The following NAALADL2 variants were observed in gnomAD, a reference collection of about 807,000 sequenced individuals.
NAALADL2 encodes inactive N-acetylated-alpha-linked acidic dipeptidase-like protein 2.
NAALADL2 carries 76 observed loss-of-function variants against 87.2 expected under a neutral mutation model. That is an observed-to-expected ratio of 0.87 (90% CI 0.72 to 1.05). The LOEUF is 1.05. NAALADL2 is among the 50% of genes least tolerant of loss of function. The pLI, the probability that NAALADL2 is intolerant of heterozygous loss-of-function variation, is 0.00. For synonymous variants in NAALADL2, 354 were observed against 331.0 expected, an observed-to-expected ratio of 1.07 and a Z score of -0.75; for missense variants, 1,089 against 945.8, an observed-to-expected ratio of 1.15 and a Z score of -1.99.
At chr3:174,780,422 C>A (rs1715806875) in intron 3 of NAALADL2, among the ~76,000 whole-genome samples, 1 of 152,138 alleles carries the variant, frequency 6.6e-6, no homozygotes, top group African/African-American at 2.4e-5. Context: ...ATCATGTCAT[C>A]TGCAAACAGA....
At chr3:175,025,525 G>A (rs1367719808) in intron 1 of NAALADL2, among the ~76,000 whole-genome samples, 1 of 152,050 alleles carries the variant, frequency 6.6e-6, no homozygotes, top group Non-Finnish European at 1.5e-5. Flanking sequence ...AATAAGTATT[G>A]AAAGTGCAAA....
At chr3:174,827,238 T>C (rs991517487) in intron 3 of NAALADL2, among the ~76,000 whole-genome samples, 2 of 152,206 alleles carry the variant, frequency 1.3e-5, no homozygotes, top group African/African-American at 4.8e-5. Context: ...TTTGTATTTG[T>C]ACTGTAACAA....
chr3:174,996,029 A>G (rs1308839559), intron 1 of NAALADL2, among the ~76,000 whole-genome samples: 1 of 152,184 alleles, frequency 6.6e-6, no homozygotes. Flanking sequence ...ACCAGGTTAC[A>G]TAGCAAGTAA....
At chr3:174,485,850 G>C (rs779203510) in intron 1 of NAALADL2, among the ~76,000 whole-genome samples, 3 of 151,870 alleles carry the variant, frequency 2.0e-5, no homozygotes, top group Non-Finnish European at 2.9e-5. Flanking sequence ...TCGTCTTCCA[G>C]GGTTTTATAG....
intron 9 of NAALADL2, chr3:175,487,389 G>A: frequency 2.5e-6 from 1 of 399,312 alleles, no homozygotes; most frequent in Non-Finnish European, 5.0e-6. Context: ...TTTGTACTCT[G>A]ATGTATTCCT....
At chr3:174,844,079 A>G (rs1724325127) in intron 3 of NAALADL2, among the ~76,000 whole-genome samples, 1 of 152,164 alleles carries the variant, frequency 6.6e-6, no homozygotes, top group Non-Finnish European at 1.5e-5. Context: ...TCGTATTTTA[A>G]AAATCTTTGC....
At position 174,804,798 on chromosome 3, in the gene NAALADL2, C is replaced by T. The variant is rs113214019; in HGVS notation, c.-9+67052C>T. Among the ~76,000 whole-genome samples, 1,007 of 152,152 alleles carry T rather than the reference C, an allele frequency of 6.6e-3. 11 individuals are homozygous for T. The highest frequency in any genetic ancestry group is 0.023 in the African/African-American group (961 of 41,528). On this transcript the variant is annotated intron_variant, in intron 3 of 3. Coordinates refer to the NAALADL2 transcript ENST00000434257. ...AGAATTCTAAAATATTCCTGCTACC[C>T]TGAAGGACTTACGTTTTGAAAATTT...
chr3:175,131,865 G>T (rs867817186), intron 2 of NAALADL2, among the ~76,000 whole-genome samples: 1 of 35,290 alleles, frequency 2.8e-5, no homozygotes, highest in African/African-American at 1.8e-4. Flanking sequence ...CTGGCCGGGC[G>T]GGGTCTGACC....
In NAALADL2 at chr3:175,737,341, A is replaced by T; in HGVS notation, c.1932A>T (p.Glu644Asp). The change falls in exon 12 of 14, where the codon GAA becomes GAT. Residue 644 changes from glutamate to aspartate, a missense_variant. By Grantham distance (45) the Glu-to-Asp change is conservative. Coordinates refer to ENST00000454872, the MANE Select transcript of NAALADL2 (RefSeq NM_207015.3). ...AAGTGATTTTGCAAATTGCCAACGAACCTGTTCTGCCCTTTAATGCACTTG... is the reference window on the plus strand; with the variant it reads ...AAGTGATTTTGCAAATTGCCAACGATCCTGTTCTGCCCTTTAATGCACTTG... The part of the protein sequence containing the change: ...SGEVILQIAN[E>D]PVLPFNALDI... 6.2e-7 allele frequency: 1 copy of T among 1,612,622 alleles called. No homozygotes were observed. Among genetic ancestry groups the T allele is most frequent in the Middle Eastern group, 1.6e-4 (1 of 6,062 alleles).
intron 3 of NAALADL2, among the ~76,000 whole-genome samples, chr3:174,785,535 G>T (rs1357600636): frequency 1.3e-5 from 2 of 151,968 alleles, no homozygotes; most frequent in East Asian, 1.9e-4. Context: ...TGCTGTTTTG[G>T]TTACTGTAGC....
At chr3:174,509,099 A>G (rs748792380) in intron 1 of NAALADL2, among the ~76,000 whole-genome samples, 3 of 142,726 alleles carry the variant, frequency 2.1e-5, no homozygotes, top group Non-Finnish European at 3.0e-5. Context: ...TTCAAACTGT[A>G]TGCCTTTTTT....
At chr3:174,597,232 G>A (rs1335300295) in intron 2 of NAALADL2, among the ~76,000 whole-genome samples, 2 of 152,174 alleles carry the variant, frequency 1.3e-5, no homozygotes, top group Non-Finnish European at 2.9e-5. Flanking sequence ...AATTCTTTCA[G>A]CAATGAGTTG....
chr3:175,585,469 A>G (rs915985626), intron 10 of NAALADL2, among the ~76,000 whole-genome samples: 1 of 152,216 alleles, frequency 6.6e-6, no homozygotes, highest in African/African-American at 2.4e-5. Context: ...GCCATTCTCA[A>G]CGTTAAGCAA....
chr3:175,184,223 A>G (rs958922650), intron 2 of NAALADL2, among the ~76,000 whole-genome samples: 18 of 152,160 alleles, frequency 1.2e-4, no homozygotes, highest in Admixed American at 9.2e-4. Flanking sequence ...TTTGCATGAG[A>G]ATTACTTTAA....
At chr3:175,598,110 T>C (rs1358958355) in intron 10 of NAALADL2, among the ~76,000 whole-genome samples, 1 of 152,036 alleles carries the variant, frequency 6.6e-6, no homozygotes, top group Non-Finnish European at 1.5e-5. Flanking sequence ...ATCTTGTTAG[T>C]TTCATGCTCT....
At chr3:174,671,172 G>A (rs570677428) in intron 2 of NAALADL2, among the ~76,000 whole-genome samples, 1 of 152,076 alleles carries the variant, frequency 6.6e-6, no homozygotes, top group East Asian at 1.9e-4. Context: ...CCAGTCTCAG[G>A]TATTTCCTGA....
intron 3 of NAALADL2, among the ~76,000 whole-genome samples, chr3:174,757,965 T>A (rs1712359877): frequency 6.6e-6 from 1 of 152,212 alleles, no homozygotes; most frequent in East Asian, 1.9e-4. Flanking sequence ...ATAGTTGATT[T>A]TAACTTTTGT....
intron 1 of NAALADL2, among the ~76,000 whole-genome samples, chr3:174,486,624 A>T (rs910310894): frequency 3.3e-5 from 5 of 151,928 alleles, no homozygotes; most frequent in Non-Finnish European, 7.4e-5. Context: ...TCTCTGATGG[A>T]TCTAAGAGGA....
intron 4 of NAALADL2, among the ~76,000 whole-genome samples, chr3:175,282,914 T>C (rs77563676): frequency 0.025 from 3,788 of 150,862 alleles, 68 homozygotes; most frequent in Non-Finnish European, 0.041. Flanking sequence ...CTGTCTTCTT[T>C]TTTTTTTTTT....
Sources: allele counts gnomAD v4.1 joint callset (sites outside exome capture counted in the v4.1 genomes callset), GRCh38; gene constraint gnomAD v4.1.1; transcripts MANE v1.5; gene names NCBI Gene and HGNC (gene_info 2026-07-23, HGNC 2026-07-21).